Variants in IGFBP7 observed in about 807,000 individuals in gnomAD.
IGFBP7 encodes insulin-like growth factor-binding protein 7.
IGFBP7 carries 31 observed loss-of-function variants against 29.4 expected under a neutral mutation model. The observed-to-expected ratio is 1.05, with a 90% CI of 0.79 to 1.42. The LOEUF (loss-of-function observed/expected upper bound fraction) is 1.42, where lower values mean the gene tolerates loss of function less well. IGFBP7 is among the 40% of genes most tolerant of loss of function. The probability of loss-of-function intolerance (pLI) is 0.00; values close to 1 mark genes in which losing one functional copy is unlikely to be tolerated. For missense variants in IGFBP7, 393 were observed against 395.5 expected, an observed-to-expected ratio of 0.99 and a Z score of 0.05; for synonymous variants, 172 against 174.9, an observed-to-expected ratio of 0.98 and a Z score of 0.13.
chr4:57,078,214 AACCCTCACGAC>A (rs748606287), intron 1 of IGFBP7, among the ~76,000 whole-genome samples: 15 of 152,168 alleles, frequency 9.9e-5, no homozygotes, highest in Non-Finnish European at 2.1e-4. Flanking sequence ...TAAATAATTT[AACCCTCACGAC>A]AGCCCTGTGA....
chr4:57,047,116 AT>A (rs1336639819), intron 1 of IGFBP7, among the ~76,000 whole-genome samples: 1 of 152,148 alleles, frequency 6.6e-6, no homozygotes, highest in Admixed American at 6.6e-5. Flanking sequence ...CAAATCTCAA[AT>A]TGTAGCTCCC....
chr4:57,065,179 C>T (rs1211234917), intron 1 of IGFBP7, among the ~76,000 whole-genome samples: 3 of 152,220 alleles, frequency 2.0e-5, no homozygotes, highest in East Asian at 1.9e-4. Context: ...CGCCAGGAGG[C>T]GGTCAAGGTC....
chr4:57,106,393 T>C (rs1041755989), intron 1 of IGFBP7, among the ~76,000 whole-genome samples: 30 of 151,990 alleles, frequency 2.0e-4, no homozygotes, highest in African/African-American at 6.5e-4. Flanking sequence ...GAGGGTGCAA[T>C]TGTGGTGAGT....
Position 57,088,575 on chromosome 4 carries a change from A to G in IGFBP7, c.475+21302T>C, listed in dbSNP as rs1295716462. On this transcript the variant is annotated intron_variant, in intron 1 of 4. Transcript: ENST00000295666. The stretch of plus-strand genomic sequence containing the variant: ...GACATTTGAGGGCTGTTTCTGAAGC[A>G]TTAGCCACTACTACTAATGATAAAA... Among the ~76,000 whole-genome samples the G allele has an allele frequency of 2.4e-4, 36 of 152,182 alleles. 1 individual carries two copies. Among genetic ancestry groups the G allele is most frequent in the Admixed American group, 2.4e-3 (36 of 15,272 alleles).
intron 1 of IGFBP7, among the ~76,000 whole-genome samples, chr4:57,045,971 C>T (rs1724347689): frequency 6.6e-6 from 1 of 152,034 alleles, no homozygotes; most frequent in South Asian, 2.1e-4. Context: ...GGTGATCTGC[C>T]CACCTCAGTC....
intron 2 of IGFBP7, among the ~76,000 whole-genome samples, chr4:57,037,642 C>A (rs907753275): frequency 6.6e-6 from 1 of 152,036 alleles, no homozygotes; most frequent in Non-Finnish European, 1.5e-5. Context: ...AAAAGATTCC[C>A]GAGGCAGACG....
At chr4:57,068,688 A>G (rs1242793149) in intron 1 of IGFBP7, among the ~76,000 whole-genome samples, 2 of 152,244 alleles carry the variant, frequency 1.3e-5, no homozygotes, top group Non-Finnish European at 2.9e-5. Context: ...GTCACAGTGC[A>G]TGTATATAAT....
chr4:57,034,572 T>C (rs988976372), intron 2 of IGFBP7, among the ~76,000 whole-genome samples: 4 of 151,828 alleles, frequency 2.6e-5, no homozygotes, highest in South Asian at 2.1e-4. Context: ...ATAATAAATA[T>C]ATAAATAAAT....
rs145259770 is a variant in IGFBP7, at chr4:57,071,502, A to T, written c.476-30569T>A. Among the ~76,000 whole-genome samples the T allele has an allele frequency of 5.3e-4, 81 of 152,286 alleles. No homozygotes were observed. The East Asian group carries it at 0.013, about 24-fold the overall frequency. On this transcript the variant is annotated intron_variant, in intron 1 of 4. Transcript: ENST00000295666. ...TTGGGGTTAGATTAAGCAACCCTGGATCTCTAACACTGGCCATGTTGCAAC... is the reference window on the plus strand; with the variant it reads ...TTGGGGTTAGATTAAGCAACCCTGGTTCTCTAACACTGGCCATGTTGCAAC...
At position 57,110,285 on chromosome 4, in the gene IGFBP7, G is replaced by C. The variant is rs535663877; in HGVS notation, c.67C>G (p.Leu23Val). 34 of 1,428,430 alleles carry C rather than the reference G, an allele frequency of 2.4e-5. No individual in the cohort carries two copies. The South Asian group carries it at 4.8e-4, about 20-fold the overall frequency. 88.5% of individuals were successfully genotyped at this position (1,428,430 alleles called of 1,614,324 possible). A position where few individuals can be genotyped will look rare whatever the true frequency, so the allele number is the denominator to read the frequency against. Residue 23 changes from leucine (L) to valine (V), a missense_variant, in exon 1 of 5, where the codon CTC (leucine) becomes GTC (valine). Physicochemically the swap from Leu to Val is conservative, Grantham distance 32. Coordinates refer to ENST00000295666, the MANE Select transcript of IGFBP7 (RefSeq NM_001553.3). Reference sequence around the variant, plus strand: ...GTGTCCGAAGAGGAGGAAGAGGAGAGGGGCAGGAGCAGGAGCAGCAGCCCA... The same window carrying C: ...GTGTCCGAAGAGGAGGAAGAGGAGACGGGCAGGAGCAGGAGCAGCAGCCCA... ...AAGLLLLLLP[L>V]SSSSSSDTCG... is the part of the protein sequence containing the mutation.
intron 2 of IGFBP7, among the ~76,000 whole-genome samples, chr4:57,033,576 C>G (rs969927986): frequency 1.3e-5 from 2 of 152,158 alleles, no homozygotes; most frequent in South Asian, 2.1e-4. Flanking sequence ...GTCATAATTT[C>G]CTGCCACTGG....
At chr4:57,061,221 C>T (rs1018057068) in intron 1 of IGFBP7, among the ~76,000 whole-genome samples, 1 of 152,106 alleles carries the variant, frequency 6.6e-6, no homozygotes. Flanking sequence ...TCAGGGGATA[C>T]TTTCTAAAAC....
At chr4:57,057,459 G>A (rs1258361102) in intron 1 of IGFBP7, among the ~76,000 whole-genome samples, 1 of 152,192 alleles carries the variant, frequency 6.6e-6, no homozygotes, top group African/African-American at 2.4e-5. Flanking sequence ...TTCTGGCCTT[G>A]GAGATTTTAT....
chr4:57,031,384 G>A (rs985345849), intron 4 of IGFBP7, 48 bp from the exon 5 acceptor site: 1 of 1,463,332 alleles, frequency 6.8e-7, no homozygotes, highest in African/African-American at 1.4e-5. Context: ...ATGGGGATGT[G>A]GTTGACTTTT....
intron 3 of IGFBP7, among the ~76,000 whole-genome samples, chr4:57,032,889 A>G (rs558963324): frequency 1.3e-5 from 2 of 152,386 alleles, no homozygotes; most frequent in Admixed American, 1.3e-4. Flanking sequence ...AAAATAAGGT[A>G]TTTATTAATC....
At chr4:57,034,191 A>G (rs1724025075) in intron 2 of IGFBP7, among the ~76,000 whole-genome samples, 1 of 152,212 alleles carries the variant, frequency 6.6e-6, no homozygotes, top group African/African-American at 2.4e-5. Context: ...AATACTGAAT[A>G]GTATCCTTTT....
At chr4:57,049,906 C>T (rs748873660) in intron 1 of IGFBP7, among the ~76,000 whole-genome samples, 7 of 152,132 alleles carry the variant, frequency 4.6e-5, no homozygotes, top group East Asian at 3.9e-4. Flanking sequence ...GAAAATGCAC[C>T]AGTGTACACA....
intron 1 of IGFBP7, among the ~76,000 whole-genome samples, chr4:57,109,341 A>G (rs2109811631): frequency 6.6e-6 from 1 of 152,284 alleles, no homozygotes. Flanking sequence ...TGGGAGGCTG[A>G]GGCAGGAGGA....
intron 1 of IGFBP7, among the ~76,000 whole-genome samples, chr4:57,103,654 TC>T (rs1263059433): frequency 2.6e-4 from 20 of 76,582 alleles, no homozygotes; most frequent in African/African-American, 9.7e-4. Flanking sequence ...TTTTTTTTTT[TC>T]TTTTCTTTTT....
Sources: allele counts gnomAD v4.1 joint callset (sites outside exome capture counted in the v4.1 genomes callset), GRCh38; gene constraint gnomAD v4.1.1; transcripts MANE v1.5; gene names NCBI Gene and HGNC (gene_info 2026-07-23, HGNC 2026-07-21).